Variants in NDST4 observed in about 807,000 individuals in gnomAD.
NDST4 encodes the protein N-deacetylase and N-sulfotransferase 4.
Under a neutral mutation model 100.8 loss-of-function variants are expected in NDST4, and 63 were observed. The observed-to-expected ratio is 0.62, with a 90% CI of 0.51 to 0.77. The LOEUF is 0.77. Among genes scored for constraint, NDST4 ranks in the 30% least tolerant of loss-of-function variants. The probability of loss-of-function intolerance (pLI) is 0.00; values close to 1 mark genes in which losing one functional copy is unlikely to be tolerated. For missense variants in NDST4, 943 were observed against 1,018.4 expected, an observed-to-expected ratio of 0.93 and a Z score of 1.01; for synonymous variants, 377 against 361.8, an observed-to-expected ratio of 1.04 and a Z score of -0.48.
At chr4:115,099,112 A>T (rs1185606722) in intron 1 of NDST4, among the ~76,000 whole-genome samples, 1 of 152,198 alleles carries the variant, frequency 6.6e-6, no homozygotes, top group African/African-American at 2.4e-5. Flanking sequence ...AGAAACAGTG[A>T]TTTACACACA....
chr4:114,892,151 G>A (rs1724612172), intron 6 of NDST4, among the ~76,000 whole-genome samples: 1 of 152,070 alleles, frequency 6.6e-6, no homozygotes, highest in Non-Finnish European at 1.5e-5. Flanking sequence ...GAAGCTCCTT[G>A]AAAGTACAAT....
intron 2 of NDST4, among the ~76,000 whole-genome samples, chr4:115,019,681 T>A (rs953426105): frequency 6.6e-6 from 1 of 152,140 alleles, no homozygotes; most frequent in African/African-American, 2.4e-5. Context: ...CAAAAACCCA[T>A]GTTGCAATTT....
At chr4:114,870,996 C>T (rs767878552) in intron 6 of NDST4, 46 bp from the exon 7 acceptor site, 1 of 1,505,212 alleles carries the variant, frequency 6.6e-7, no homozygotes, top group East Asian at 2.4e-5. Flanking sequence ...TATGCTTAAG[C>T]TTAAAAGTAG....
chr4:115,099,448 G>A (rs1182517723), intron 1 of NDST4, among the ~76,000 whole-genome samples: 1 of 151,602 alleles, frequency 6.6e-6, no homozygotes, highest in Non-Finnish European at 1.5e-5. Flanking sequence ...AATATACAAA[G>A]AACTCTTAAA....
intron 2 of NDST4, among the ~76,000 whole-genome samples, chr4:114,987,105 T>A (rs559331357): frequency 8.6e-5 from 13 of 152,004 alleles, no homozygotes; most frequent in Non-Finnish European, 1.8e-4. Flanking sequence ...AATCTTTTAG[T>A]CATTTTAACC....
At chr4:114,953,746 C>G (rs1389563889) in intron 4 of NDST4, among the ~76,000 whole-genome samples, 1 of 151,910 alleles carries the variant, frequency 6.6e-6, no homozygotes, top group Admixed American at 6.6e-5. Flanking sequence ...TGAGAAATGG[C>G]TAACTCATTC....
At chr4:115,033,499 T>C (rs1262966129) in intron 2 of NDST4, among the ~76,000 whole-genome samples, 1 of 151,998 alleles carries the variant, frequency 6.6e-6, no homozygotes, top group Admixed American at 6.6e-5. Flanking sequence ...AATGTTTTCT[T>C]TTACATTTTT....
At chr4:114,970,873 T>C (rs1726498681) in intron 3 of NDST4, among the ~76,000 whole-genome samples, 1 of 152,178 alleles carries the variant, frequency 6.6e-6, no homozygotes, top group Non-Finnish European at 1.5e-5. Flanking sequence ...ATATGTATTT[T>C]ATACCCTAAC....
chr4:114,977,058 C>A (rs1726651266), intron 3 of NDST4, 129 bp downstream of exon 3: 3 of 626,862 alleles, frequency 4.8e-6, no homozygotes, highest in Non-Finnish European at 8.4e-6. Context: ...TTGGATTTGG[C>A]TACTCAAATA....
chr4:114,852,890 C>T (rs552671994), intron 7 of NDST4, 69 bp from the exon 8 acceptor site: 1 of 1,105,244 alleles, frequency 9.0e-7, no homozygotes, highest in East Asian at 2.6e-5. Flanking sequence ...AAAAATTGTT[C>T]AAAAGATGGA....
At chr4:114,940,153 T>C (rs1221420438) in intron 4 of NDST4, among the ~76,000 whole-genome samples, 1 of 152,222 alleles carries the variant, frequency 6.6e-6, no homozygotes, top group Non-Finnish European at 1.5e-5. Flanking sequence ...CAAATATGGC[T>C]TTAATTATTT....
At chr4:114,950,832 T>C (rs758510649) in intron 4 of NDST4, among the ~76,000 whole-genome samples, 1 of 151,708 alleles carries the variant, frequency 6.6e-6, no homozygotes, top group Non-Finnish European at 1.5e-5. Context: ...AGTGTCTCTT[T>C]TGTGGCTGCA....
chr4:114,997,577 C>T (rs1051801064), intron 2 of NDST4, among the ~76,000 whole-genome samples: 3 of 151,854 alleles, frequency 2.0e-5, no homozygotes, highest in Non-Finnish European at 2.9e-5. Flanking sequence ...CCCAAGAAAG[C>T]TATGTAAATT....
chr4:115,085,860 G>A (rs1396176169), intron 1 of NDST4, among the ~76,000 whole-genome samples: 1 of 152,148 alleles, frequency 6.6e-6, no homozygotes, highest in East Asian at 1.9e-4. Flanking sequence ...TCACCAACAA[G>A]TAAGTGAAAA....
At chr4:114,925,830 G>A (rs1725375556) in intron 6 of NDST4, among the ~76,000 whole-genome samples, 1 of 152,078 alleles carries the variant, frequency 6.6e-6, no homozygotes, top group African/African-American at 2.4e-5. Context: ...CAAGAAAACA[G>A]AAAATTCTAT....
intron 2 of NDST4, among the ~76,000 whole-genome samples, chr4:115,068,766 A>G (rs1455913803): frequency 1.3e-5 from 2 of 150,458 alleles, no homozygotes; most frequent in African/African-American, 4.9e-5. Context: ...CAGTGAGCCC[A>G]GATTGCACCA....
chr4:114,905,277 T>A (rs992112451), intron 6 of NDST4, among the ~76,000 whole-genome samples: 2 of 151,670 alleles, frequency 1.3e-5, no homozygotes, highest in Admixed American at 6.6e-5. Context: ...CTTAAGTGGC[T>A]TATCCATCTT....
rs568728803 is a variant in NDST4 at position 114,887,218 on chromosome 4, T to C, written c.1537-16268A>G. Among the ~76,000 whole-genome samples, 4 of 152,302 alleles carry C rather than the reference T, an allele frequency of 2.6e-5. No homozygotes were observed. In the South Asian group the frequency reaches 8.3e-4, roughly 32 times the overall value. On this transcript the variant is annotated intron_variant, in intron 6 of 13. Coordinates refer to ENST00000264363, the MANE Select transcript of NDST4 (RefSeq NM_022569.3). Reference sequence around the variant, plus strand: ...ATTTATAAAGACCTTTAAGAATATCTGGGTCTAATGTGAGACATTTTGGAA... The same window carrying C: ...ATTTATAAAGACCTTTAAGAATATCCGGGTCTAATGTGAGACATTTTGGAA...
At chr4:114,976,694 A>G (rs895917430) in intron 3 of NDST4, among the ~76,000 whole-genome samples, 1 of 151,934 alleles carries the variant, frequency 6.6e-6, no homozygotes, top group Non-Finnish European at 1.5e-5. Flanking sequence ...TAGGGAAAAA[A>G]TCCTGCAAGT....
Sources: gnomAD v4.1 joint callset for allele counts (sites outside exome capture counted in the v4.1 genomes callset) on GRCh38, gnomAD v4.1.1 for gene constraint, MANE v1.5 for transcripts, NCBI Gene and HGNC (gene_info 2026-07-23, HGNC 2026-07-21) for gene names.